Variants in KCNK5 observed in about 807,000 individuals in gnomAD.
The protein encoded by KCNK5 is potassium channel subfamily K member 5.
KCNK5 carries 18 observed loss-of-function variants against 32.9 expected under a neutral mutation model. The observed-to-expected ratio is 0.55, with a 90% confidence interval of 0.38 to 0.81. The LOEUF (loss-of-function observed/expected upper bound fraction) is 0.81, where lower values mean the gene tolerates loss of function less well. KCNK5 is among the 30% of genes least tolerant of loss of function. The pLI is 0.00. For synonymous variants in KCNK5, 276 were observed against 275.3 expected (o/e 1.00, Z -0.03); for missense variants, 507 against 651.0 (o/e 0.78, Z 2.41).
At chr6:39,198,802 G>A (rs568011105) in intron 1 of KCNK5, among the ~76,000 whole-genome samples, 2 of 152,318 alleles carry the variant, frequency 1.3e-5, no homozygotes, top group South Asian at 4.1e-4. Flanking sequence ...ACAGGCCAAA[G>A]TCCAAGGGGG....
intron 1 of KCNK5, among the ~76,000 whole-genome samples, chr6:39,217,689 C>G (rs949061554): frequency 6.6e-6 from 1 of 152,162 alleles, no homozygotes; most frequent in African/African-American, 2.4e-5. Context: ...TTTGCCGCCA[C>G]GAGAAATGCC....
At position 39,194,866 on chromosome 6, in the gene KCNK5, C is replaced by A. The variant is rs1771002449; in HGVS notation, c.299-106G>T. On this transcript the variant is annotated intron_variant, in intron 2 of 4. Coordinates refer to ENST00000359534, the MANE Select transcript of KCNK5 (RefSeq NM_003740.4). The surrounding 1 kb of genome is among the most constrained non-coding windows in gnomAD (Gnocchi z 4.7). ...TTCTCTAAGATAAATTGATATTGAT[C>A]TATTGTCAGTACTTAAGTAATGATA... The A allele has an allele frequency of 3.3e-6, 3 of 915,710 alleles. No homozygotes were observed. Among genetic ancestry groups the A allele is most frequent in the Admixed American group, 2.1e-5 (1 of 46,976 alleles). 56.7% of individuals were successfully genotyped at this position (915,710 alleles called of 1,614,324 possible). A position where few individuals can be genotyped will look rare whatever the true frequency, so the allele number is the denominator to read the frequency against.
chr6:39,226,937 T>C (rs887734827), intron 1 of KCNK5, among the ~76,000 whole-genome samples: 3 of 152,168 alleles, frequency 2.0e-5, no homozygotes, highest in Non-Finnish European at 4.4e-5. Context: ...GCCCAAGTCC[T>C]TTTTCTAAAA....
intron 1 of KCNK5, among the ~76,000 whole-genome samples, chr6:39,226,153 C>T (rs1771667784): frequency 6.6e-6 from 1 of 152,140 alleles, no homozygotes; most frequent in Non-Finnish European, 1.5e-5. Flanking sequence ...ATAATAGCAC[C>T]CACAATGCCC....
intron 2 of KCNK5, 139 bp downstream of exon 2, chr6:39,195,737 A>G: frequency 1.7e-6 from 1 of 576,250 alleles, no homozygotes; most frequent in East Asian, 2.9e-5. Context: ...ACAAATCCCT[A>G]AGAAAGTATC....
chr6:39,206,253 A>T (rs893606782), intron 1 of KCNK5, among the ~76,000 whole-genome samples: 1 of 152,238 alleles, frequency 6.6e-6, no homozygotes, highest in East Asian at 1.9e-4. Context: ...GGGAATGTGC[A>T]GGTAGACACT....
Position 39,194,102 on chromosome 6 carries a change from A to G in KCNK5, c.634+67T>C. On this transcript the variant is annotated intron_variant, in intron 4 of 4. Transcript: ENST00000359534. This position sits in a 1 kb window ranked among gnomAD's most constrained non-coding sequence, Gnocchi z 4.7. Reference sequence around the variant, plus strand: ...TGGAACCCTACCTAGGGCACCCCCAACATAGGTCTGTTGCACTGAAACCAA... The same window carrying G: ...TGGAACCCTACCTAGGGCACCCCCAGCATAGGTCTGTTGCACTGAAACCAA... The G allele has an allele frequency of 1.3e-6, 2 of 1,577,406 alleles. No individual in the cohort carries two copies. Among genetic ancestry groups the G allele is most frequent in the East Asian group, 4.5e-5 (2 of 44,710 alleles).
At chr6:39,210,191 C>T (rs999662017) in intron 1 of KCNK5, among the ~76,000 whole-genome samples, 1 of 152,162 alleles carries the variant, frequency 6.6e-6, no homozygotes, top group African/African-American at 2.4e-5. Flanking sequence ...GTCAGACTTG[C>T]CCAGGGAGGT....
chr6:39,221,107 A>C (rs1771540002), intron 1 of KCNK5, among the ~76,000 whole-genome samples: 1 of 152,104 alleles, frequency 6.6e-6, no homozygotes, highest in Admixed American at 6.5e-5. Context: ...TCATCCTTCC[A>C]CTTCCTAGCT....
At position 39,189,453 on chromosome 6, in the gene KCNK5, G is replaced by A. The variant is rs561208374; in HGVS notation, c.*1437C>T. ...GGCCCAATTGAGTTGCAGGGCAGGA[G>A]GGCAGACACTAGATCTCCCAATCCT... On this transcript the variant is annotated 3_prime_UTR_variant, in exon 5 of 5. Transcript: ENST00000359534. 2.0e-5 allele frequency: 3 copies of A among 152,746 alleles called. No individual in the cohort carries two copies. The highest frequency in any genetic ancestry group is 4.1e-4 in the South Asian group (2 of 4,822). The allele number at this position is 152,746 out of a possible 1,614,324, so 9.5% of individuals were successfully genotyped here. A position where few individuals can be genotyped will look rare whatever the true frequency, so the allele number is the denominator to read the frequency against.
In KCNK5 at chr6:39,189,546, T is replaced by C. The variant is rs1583700394; in HGVS notation, c.*1344A>G. 6.6e-6 allele frequency: 1 copy of C among 152,628 alleles called. No individual in the cohort carries two copies. The highest frequency in any genetic ancestry group is 1.9e-4 in the East Asian group (1 of 5,178). 9.5% of individuals were successfully genotyped at this position (152,628 alleles called of 1,614,324 possible). A position where few individuals can be genotyped will look rare whatever the true frequency, so the allele number is the denominator to read the frequency against. ...GATTCCAGGTATATAAAAACAGCAG[T>C]TTGTTTAAAAAATAAAACAAAAAAT... On this transcript the variant is annotated 3_prime_UTR_variant, in exon 5 of 5. Transcript: ENST00000359534.
chr6:39,207,139 C>T (rs1173732342), intron 1 of KCNK5, among the ~76,000 whole-genome samples: 1 of 152,184 alleles, frequency 6.6e-6, no homozygotes, highest in African/African-American at 2.4e-5. Flanking sequence ...CTGCAGCTCA[C>T]TCTTACTTCA....
At chr6:39,220,210 A>AG (rs1193031056) in intron 1 of KCNK5, among the ~76,000 whole-genome samples, 1 of 152,188 alleles carries the variant, frequency 6.6e-6, no homozygotes, top group Non-Finnish European at 1.5e-5. Context: ...TCCCAGACTC[A>AG]GGGGGCAAGC....
At chr6:39,201,690 A>G (rs185856309) in intron 1 of KCNK5, among the ~76,000 whole-genome samples, 1 of 151,938 alleles carries the variant, frequency 6.6e-6, no homozygotes, top group African/African-American at 2.4e-5. Flanking sequence ...CATTCCTCTC[A>G]CCTCCCTTCC....
At chr6:39,205,014 G>A (rs1029864241) in intron 1 of KCNK5, among the ~76,000 whole-genome samples, 2 of 152,238 alleles carry the variant, frequency 1.3e-5, no homozygotes, top group African/African-American at 4.8e-5. Context: ...GACCCTGCCC[G>A]CATTGTTCTC....
chr6:39,199,480 A>C (rs1771091858), intron 1 of KCNK5, among the ~76,000 whole-genome samples: 1 of 152,132 alleles, frequency 6.6e-6, no homozygotes, highest in South Asian at 2.1e-4. Flanking sequence ...GTTGCCCAAC[A>C]AGGGGCGGGC....
chr6:39,194,144 G>A lies in KCNK5; in HGVS notation c.634+25C>T. 1 of 1,613,800 alleles carries A rather than the reference G, an allele frequency of 6.2e-7. No individual in the cohort carries two copies. Among genetic ancestry groups the A allele is most frequent in the East Asian group, 2.2e-5 (1 of 44,870 alleles). On this transcript the variant is annotated intron_variant, in intron 4 of 4. Transcript: ENST00000359534. The surrounding 1 kb of genome is among the most constrained non-coding windows in gnomAD (Gnocchi z 4.7). ...TGAAACCAAAGAAGCAGAAAAAGAG[G>A]TGGGAGGCAGAGGCAGGGACTCACC... is the stretch of plus-strand genomic sequence containing the variant.
rs1476115967 is a variant in KCNK5 at position 39,195,872 on chromosome 6, T to G, written c.298+4A>C. ...GGGTGTCCTACAGGTCCCAGAAGACTTACCAATGGTGGTAATGACGGTCGC... is the reference window on the plus strand; with the variant it reads ...GGGTGTCCTACAGGTCCCAGAAGACGTACCAATGGTGGTAATGACGGTCGC... On this transcript the variant is annotated splice_donor_region_variant and intron_variant, in intron 2 of 4. Coordinates refer to ENST00000359534, the MANE Select transcript of KCNK5 (RefSeq NM_003740.4). 1.2e-6 allele frequency: 2 copies of G among 1,611,450 alleles called. No individual in the cohort carries two copies. The highest frequency in any genetic ancestry group is 1.7e-6 in the Non-Finnish European group (2 of 1,177,810).
intron 1 of KCNK5, among the ~76,000 whole-genome samples, chr6:39,205,456 C>T (rs1301051959): frequency 3.3e-5 from 5 of 152,212 alleles, no homozygotes; most frequent in African/African-American, 1.2e-4. Context: ...GGACATCCTT[C>T]ATTTACCTAT....
Sources: gnomAD v4.1 joint callset for allele counts (sites outside exome capture counted in the v4.1 genomes callset) on GRCh38, gnomAD v4.1.1 for gene constraint, Gnocchi (gnomAD v3.1) non-coding constraint, MANE v1.5 for transcripts, NCBI Gene and HGNC (gene_info 2026-07-23, HGNC 2026-07-21) for gene names.